The following GABRG3 variants were observed in gnomAD, a reference collection of about 807,000 sequenced individuals.
GABRG3 encodes the protein gamma-aminobutyric acid receptor subunit gamma-3.
In GABRG3, 25 loss-of-function variants were observed where a neutral mutation model predicts 48.8. The ratio of observed to expected loss-of-function variants is 0.51; its 90% confidence interval spans 0.37 to 0.72. GABRG3 has a LOEUF of 0.72. Ranked by LOEUF, GABRG3 falls within the 30% of genes least tolerant of loss-of-function variation. The pLI, the probability that GABRG3 is intolerant of heterozygous loss-of-function variation, is 0.00. For missense variants in GABRG3, 394 were observed against 577.9 expected (o/e 0.68, Z 3.26); for synonymous variants, 227 against 217.6 (o/e 1.04, Z -0.38).
intron 5 of GABRG3, among the ~76,000 whole-genome samples, chr15:27,387,210 C>T (rs78213195): frequency 2.2e-4 from 34 of 151,444 alleles, no homozygotes; most frequent in East Asian, 1.9e-3. Context: ...TGTGATCTCT[C>T]GGTGTTGATG....
intron 2 of GABRG3, among the ~76,000 whole-genome samples, chr15:27,012,375 G>A (rs932804438): frequency 1.3e-5 from 2 of 152,102 alleles, no homozygotes; most frequent in South Asian, 2.1e-4. Context: ...ATAATGATGT[G>A]CCCAGGTATG....
In GABRG3 at chr15:27,465,082, C is replaced by G. The variant is rs181122014; in HGVS notation, c.575-15568C>G. 1.4e-4 allele frequency among the ~76,000 whole-genome samples: 22 copies of G among 152,296 alleles called. No homozygotes were observed. In the East Asian group the frequency reaches 2.3e-3, roughly 16 times the overall value. The stretch of plus-strand genomic sequence containing the variant: ...AAGGCACATGCTTCCAGGCACAGAG[C>G]CCGTGAATGTTTCCCCAGCCTGCAC... On this transcript the variant is annotated intron_variant, in intron 5 of 9. Coordinates refer to ENST00000615808, the MANE Select transcript of GABRG3 (RefSeq NM_033223.5).
chr15:27,266,188 T>A (rs1330398332), intron 3 of GABRG3, among the ~76,000 whole-genome samples: 1 of 152,142 alleles, frequency 6.6e-6, no homozygotes, highest in Admixed American at 6.5e-5. Context: ...ACCTGATTTT[T>A]TTTTTCTGGA....
Position 27,037,384 on chromosome 15 carries a change from G to A in GABRG3, c.270+10563G>A, listed in dbSNP as rs1360106174. Reference sequence around the variant, plus strand: ...GTGGCTCGACAGTCAACAGGGACAGGTTTATTTTCAATAAACCTGAGAGGG... The same window carrying A: ...GTGGCTCGACAGTCAACAGGGACAGATTTATTTTCAATAAACCTGAGAGGG... On this transcript the variant is annotated intron_variant, in intron 3 of 9. Coordinates refer to ENST00000615808, the MANE Select transcript of GABRG3 (RefSeq NM_033223.5). 3.3e-5 allele frequency among the ~76,000 whole-genome samples: 5 copies of A among 152,210 alleles called. No homozygotes were observed. The East Asian group carries it at 9.6e-4, about 29-fold the overall frequency.
intron 5 of GABRG3, 21 bp downstream of exon 5, chr15:27,328,909 G>A (rs370957556): frequency 9.4e-6 from 15 of 1,603,284 alleles, no homozygotes; most frequent in South Asian, 5.5e-5. Flanking sequence ...GTCCAAGCCC[G>A]GGGTGTGCAT....
chr15:27,079,795 A>G (rs4887549), intron 3 of GABRG3, among the ~76,000 whole-genome samples: 31,088 of 152,154 alleles, frequency 0.2, 3,320 homozygotes, highest in Middle Eastern at 0.26. Context: ...TGGATCATGC[A>G]AGCCTCAGAC....
chr15:27,240,435 G>C (rs575188264), intron 3 of GABRG3, among the ~76,000 whole-genome samples: 1 of 152,238 alleles, frequency 6.6e-6, no homozygotes, highest in East Asian at 1.9e-4. Flanking sequence ...CTCCATCCAA[G>C]TTGTTGATTA....
chr15:27,001,679 T>C (rs888945218), intron 2 of GABRG3, among the ~76,000 whole-genome samples: 6 of 152,324 alleles, frequency 3.9e-5, no homozygotes, highest in Middle Eastern at 3.4e-3. Flanking sequence ...TAGAGTCATA[T>C]TAGCTTTGTG....
chr15:27,406,847 C>G, intron 5 of GABRG3, among the ~76,000 whole-genome samples: 1 of 152,154 alleles, frequency 6.6e-6, no homozygotes, highest in East Asian at 1.9e-4. Context: ...AAGGGTCAAA[C>G]GTAGATGGGA....
At position 27,151,295 on chromosome 15, in the gene GABRG3, A is replaced by G. The variant is rs370178012; in HGVS notation, c.270+124474A>G. Among the ~76,000 whole-genome samples the G allele has an allele frequency of 4.2e-4, 64 of 151,778 alleles. No homozygotes were observed. The East Asian group carries it at 6.8e-3, about 16-fold the overall frequency. ...CGACTAATCTGTCCTCCATTTTTAT[A>G]ATTTTGTTAATTAAAGAATATGACA... On this transcript the variant is annotated intron_variant, in intron 3 of 9. Transcript: ENST00000615808.
intron 5 of GABRG3, among the ~76,000 whole-genome samples, chr15:27,421,730 G>A (rs955341177): frequency 3.3e-5 from 5 of 152,188 alleles, no homozygotes; most frequent in Admixed American, 6.5e-5. Flanking sequence ...ATGGGAGTGG[G>A]CTATAAATCC....
intron 3 of GABRG3, among the ~76,000 whole-genome samples, chr15:27,039,350 T>C (rs1486736436): frequency 2.0e-5 from 3 of 152,138 alleles, no homozygotes; most frequent in Admixed American, 2.0e-4. Flanking sequence ...AGCTAGACCA[T>C]GGGGCTGCCT....
chr15:27,499,141 T>C (rs948775245), intron 6 of GABRG3, among the ~76,000 whole-genome samples: 4 of 152,210 alleles, frequency 2.6e-5, no homozygotes, highest in Non-Finnish European at 5.9e-5. Flanking sequence ...GTCATATTGA[T>C]AATTACAAAT....
chr15:27,334,568 A>T (rs183838646), intron 5 of GABRG3, among the ~76,000 whole-genome samples: 1 of 152,312 alleles, frequency 6.6e-6, no homozygotes, highest in Non-Finnish European at 1.5e-5. Flanking sequence ...ACACTAATGC[A>T]TGGCACTGCT....
rs1346989590 is a variant in GABRG3 at position 27,281,897 on chromosome 15, T to A, written c.271-44912T>A. Among the ~76,000 whole-genome samples the A allele has an allele frequency of 2.0e-5, 3 of 152,290 alleles. No individual in the cohort carries two copies. In the East Asian group the frequency reaches 5.8e-4, roughly 29 times the overall value. On this transcript the variant is annotated intron_variant, in intron 3 of 9. Transcript: ENST00000615808. Reference sequence around the variant, plus strand: ...TTACTTTTATTATTCCCTTTCTGTTTGATAAATTTTATTAAGCTGGCAAGA... The same window carrying A: ...TTACTTTTATTATTCCCTTTCTGTTAGATAAATTTTATTAAGCTGGCAAGA...
chr15:27,294,205 CCTTTT>C (rs891179528), intron 3 of GABRG3, among the ~76,000 whole-genome samples: 3 of 151,118 alleles, frequency 2.0e-5, no homozygotes, highest in African/African-American at 7.3e-5. Flanking sequence ...TATCCTGCTA[CCTTTT>C]CTTTTCTTTT....
Position 27,090,629 on chromosome 15 carries a change from A to G in GABRG3, c.270+63808A>G, listed in dbSNP as rs913769349. Among the ~76,000 whole-genome samples the G allele has an allele frequency of 2.0e-5, 3 of 152,286 alleles. No homozygotes were observed. In the South Asian group the frequency reaches 6.2e-4, roughly 32 times the overall value. ...TTTTTGATTTACATTTTACTAATGA[A>G]TCTAGGATGTCTTTCTATTTATTTG... On this transcript the variant is annotated intron_variant, in intron 3 of 9. Coordinates refer to ENST00000615808, the MANE Select transcript of GABRG3 (RefSeq NM_033223.5).
intron 3 of GABRG3, among the ~76,000 whole-genome samples, chr15:27,117,673 C>G (rs981506084): frequency 3.9e-5 from 6 of 152,168 alleles, no homozygotes; most frequent in African/African-American, 1.4e-4. Context: ...TCTTCATCTG[C>G]TAATACTATT....
chr15:27,526,483 C>T (rs1311741748), intron 7 of GABRG3, among the ~76,000 whole-genome samples: 2 of 152,184 alleles, frequency 1.3e-5, no homozygotes, highest in Non-Finnish European at 1.5e-5. Context: ...CACTAACCTT[C>T]CCTGTCTAGT....
Sources: gnomAD v4.1 joint callset for allele counts (sites outside exome capture counted in the v4.1 genomes callset) on GRCh38, gnomAD v4.1.1 for gene constraint, MANE v1.5 for transcripts, NCBI Gene and HGNC (gene_info 2026-07-23, HGNC 2026-07-21) for gene names.